The following LIPA variants were observed in gnomAD, a reference collection of about 807,000 sequenced individuals.
LIPA encodes the protein lipase A, lysosomal acid type, also known as lysosomal acid lipase/cholesteryl ester hydrolase.
A neutral mutation model predicts 40.6 loss-of-function variants in LIPA; 26 were observed. The ratio of observed to expected loss-of-function variants is 0.64; its 90% CI spans 0.47 to 0.89. The LOEUF (loss-of-function observed/expected upper bound fraction) is 0.89, where lower values mean the gene tolerates loss of function less well. LIPA is among the 40% of genes least tolerant of loss of function. The pLI, the probability that LIPA is intolerant of heterozygous loss-of-function variation, is 0.00. For synonymous variants in LIPA, 188 were observed against 168.4 expected (o/e 1.12, Z -0.90); for missense variants, 455 against 479.6 (o/e 0.95, Z 0.48).
intron 1 of LIPA, among the ~76,000 whole-genome samples, chr10:89,321,049 C>T (rs1198763912): frequency 2.6e-5 from 4 of 151,906 alleles, no homozygotes; most frequent in Non-Finnish European, 5.9e-5. Context: ...CTTCCTTACA[C>T]CTTATACAAA....
At chr10:89,315,127 T>C (rs1843534962) in intron 1 of LIPA, among the ~76,000 whole-genome samples, 1 of 152,242 alleles carries the variant, frequency 6.6e-6, no homozygotes, top group Admixed American at 6.5e-5. Context: ...AGGTGCTATT[T>C]GTTCTTTCAA....
chr10:89,280,995 A>G (rs1843311545), intron 1 of LIPA, among the ~76,000 whole-genome samples: 2 of 152,266 alleles, frequency 1.3e-5, no homozygotes, highest in African/African-American at 4.8e-5. Flanking sequence ...GCACGTTAAT[A>G]TATTTCCAAC....
intron 2 of LIPA, among the ~76,000 whole-genome samples, chr10:89,400,105 A>G (rs537437584): frequency 1.3e-5 from 2 of 152,304 alleles, no homozygotes; most frequent in South Asian, 4.1e-4. Flanking sequence ...GGTTTTTTTC[A>G]GGGCTTTCTA....
chr10:89,406,771 G>C (rs1379132170), intron 2 of LIPA, among the ~76,000 whole-genome samples: 1 of 152,022 alleles, frequency 6.6e-6, no homozygotes, highest in Non-Finnish European at 1.5e-5. Context: ...TCACTGTGAG[G>C]GTCCGCAGCT....
rs1057057982 is a variant in LIPA at position 89,323,704 on chromosome 10, A to G, written c.-2+18907T>C. Among the ~76,000 whole-genome samples the G allele has an allele frequency of 3.9e-5, 6 of 152,192 alleles. No homozygotes were observed. The South Asian group carries it at 6.2e-4, about 16-fold the overall frequency. ...TTCACAATAGCCACAAAAAGAATAA[A>G]ATACCTAGAAATACAGCTAACGCAG... On this transcript the variant is annotated intron_variant, in intron 1 of 5. Coordinates refer to the LIPA transcript ENST00000282673.
intron 2 of LIPA, among the ~76,000 whole-genome samples, chr10:89,366,260 G>A (rs1844056116): frequency 6.6e-6 from 1 of 152,084 alleles, no homozygotes; most frequent in Non-Finnish European, 1.5e-5. Flanking sequence ...TCTGTTATTG[G>A]TGTATAGGAA....
At chr10:89,349,909 A>G (rs1843947598) in intron 2 of LIPA, among the ~76,000 whole-genome samples, 1 of 152,214 alleles carries the variant, frequency 6.6e-6, no homozygotes, top group Non-Finnish European at 1.5e-5. Context: ...CTGAAAGCAG[A>G]ATATAAACGT....
At chr10:89,350,366 C>T (rs927667839) in intron 2 of LIPA, among the ~76,000 whole-genome samples, 4 of 138,636 alleles carry the variant, frequency 2.9e-5, no homozygotes, top group East Asian at 3.0e-4. Context: ...AGGGCAATGG[C>T]GCAATCTCGG....
intron 2 of LIPA, chr10:89,383,502 C>A (rs1241113290): frequency 6.2e-7 from 1 of 1,614,130 alleles, no homozygotes. Context: ...ATGTGAAACA[C>A]CTGAAAGGCC....
intron 2 of LIPA, chr10:89,404,020 A>T: frequency 4.6e-6 from 1 of 219,488 alleles, no homozygotes; most frequent in South Asian, 1.4e-4. Flanking sequence ...TGTGAAATAA[A>T]AATAAAATCC....
chr10:89,380,722 C>T (rs548297909), intron 2 of LIPA, among the ~76,000 whole-genome samples: 55 of 152,174 alleles, frequency 3.6e-4, no homozygotes, highest in Non-Finnish European at 5.9e-4. Flanking sequence ...CATTAGCCAC[C>T]ACGCTGGGGC....
chr10:89,350,681 GA>G (rs1322216029), intron 2 of LIPA, among the ~76,000 whole-genome samples: 1 of 152,116 alleles, frequency 6.6e-6, no homozygotes, highest in African/African-American at 2.4e-5. Flanking sequence ...ACAGAAGAGA[GA>G]AACAAAGGCA....
intron 3 of LIPA, 103 bp from the exon 4 acceptor site, chr10:89,228,501 G>A (rs1842800303): frequency 3.1e-6 from 3 of 970,506 alleles, no homozygotes; most frequent in Non-Finnish European, 4.9e-6. Flanking sequence ...AGCAAATAAT[G>A]AACTAGAAAT....
intron 2 of LIPA, chr10:89,385,219 A>G (rs757699504): frequency 6.5e-6 from 1 of 153,576 alleles, no homozygotes; most frequent in Non-Finnish European, 1.4e-5. Context: ...TCTGAATTCC[A>G]TTATTTGAGA....
chr10:89,243,629 C>T (rs1006574159), intron 3 of LIPA, among the ~76,000 whole-genome samples: 12 of 151,970 alleles, frequency 7.9e-5, no homozygotes, highest in African/African-American at 2.9e-4. Context: ...CACAAGAAGT[C>T]AGGGGCAAAC....
chr10:89,353,575 A>T (rs1232012876), intron 2 of LIPA, among the ~76,000 whole-genome samples: 1 of 152,178 alleles, frequency 6.6e-6, no homozygotes, highest in Non-Finnish European at 1.5e-5. Flanking sequence ...ATTGTGAAGG[A>T]AGTAACGAAA....
At chr10:89,364,918 A>G (rs867238345) in intron 2 of LIPA, among the ~76,000 whole-genome samples, 1 of 152,298 alleles carries the variant, frequency 6.6e-6, no homozygotes, top group Middle Eastern at 3.4e-3. Context: ...CTGTGTGGGA[A>G]GCAAGAAAAC....
intron 2 of LIPA, among the ~76,000 whole-genome samples, chr10:89,348,975 G>T (rs1843941876): frequency 6.6e-6 from 1 of 152,108 alleles, no homozygotes; most frequent in Admixed American, 6.6e-5. Flanking sequence ...GGGGTCAATT[G>T]CATTTAATAA....
rs185026533 is a variant in LIPA, at chr10:89,383,467, G to A, written c.61+29324C>T. 1.7e-5 allele frequency: 27 copies of A among 1,614,204 alleles called. No individual in the cohort carries two copies. In the African/African-American group the frequency reaches 2.4e-4, roughly 14 times the overall value. ...TCAGTTCCTGGACACCAAATACAAT[G>A]TGGGAATACACAACCTACTAGCCTA... On this transcript the variant is annotated intron_variant, in intron 2 of 8. Coordinates refer to the LIPA transcript ENST00000371837.
Sources: allele counts gnomAD v4.1 joint callset (sites outside exome capture counted in the v4.1 genomes callset), GRCh38; gene constraint gnomAD v4.1.1; transcripts MANE v1.5; gene names NCBI Gene and HGNC (gene_info 2026-07-23, HGNC 2026-07-21).